Variants in INSC observed in about 807,000 individuals in gnomAD.
INSC encodes INSC spindle orientation adaptor protein.
Under a neutral mutation model 58.6 loss-of-function variants are expected in INSC, and 67 were observed. That is an observed-to-expected ratio of 1.14 (90% CI 0.94 to 1.40). INSC has a LOEUF of 1.40. Among genes scored for constraint, INSC ranks in the 40% most tolerant of loss-of-function variants. The pLI is 0.00. For synonymous variants in INSC, 262 were observed against 276.1 expected, an observed-to-expected ratio of 0.95 and a Z score of 0.51; for missense variants, 714 against 692.0, an observed-to-expected ratio of 1.03 and a Z score of -0.36.
chr11:15,151,471 G>T (rs1291663919), intron 2 of INSC, among the ~76,000 whole-genome samples: 1 of 152,154 alleles, frequency 6.6e-6, no homozygotes, highest in Non-Finnish European at 1.5e-5. Flanking sequence ...ACCTCCCTGG[G>T]GGGTGGTCAA....
chr11:15,219,662 G>A lies in INSC; in HGVS notation c.820-1815G>A, dbSNP rs541369194. Among the ~76,000 whole-genome samples the A allele has an allele frequency of 7.9e-5, 12 of 152,274 alleles. No individual in the cohort carries two copies. The East Asian group carries it at 2.3e-3, about 29-fold the overall frequency. On this transcript the variant is annotated intron_variant, in intron 7 of 12. Transcript: ENST00000379556. ...CAAGTTACTGGTTTGGGTCCGACTGGTATTCACATCTGAGCTGGGGACCAG... is the reference window on the plus strand; with the variant it reads ...CAAGTTACTGGTTTGGGTCCGACTGATATTCACATCTGAGCTGGGGACCAG...
In INSC at chr11:15,190,338, G is replaced by A. The variant is rs546793030; in HGVS notation, c.580-363G>A. 2.1e-3 allele frequency among the ~76,000 whole-genome samples: 315 copies of A among 152,296 alleles called. 1 individual carries two copies. The highest frequency in any genetic ancestry group is 7.3e-3 in the African/African-American group (304 of 41,554). ...GCCACTCATTCGTTTTCAATTTGAT[G>A]GTTTGCTAATTTAACTGATGGTTTC... On this transcript the variant is annotated intron_variant, in intron 5 of 12. Coordinates refer to ENST00000379556, the MANE Select transcript of INSC (RefSeq NM_001042536.3).
At chr11:15,121,389 G>T (rs967682489) in intron 1 of INSC, among the ~76,000 whole-genome samples, 2 of 152,158 alleles carry the variant, frequency 1.3e-5, no homozygotes, top group African/African-American at 4.8e-5. Flanking sequence ...GGTTATTGTG[G>T]ATGGTTCTAC....
At chr11:15,215,609 A>C (rs1851185709) in intron 7 of INSC, among the ~76,000 whole-genome samples, 1 of 152,158 alleles carries the variant, frequency 6.6e-6, no homozygotes, top group South Asian at 2.1e-4. Flanking sequence ...CCATTTCCTC[A>C]TCATTCAGCC....
intron 2 of INSC, among the ~76,000 whole-genome samples, chr11:15,170,139 T>C (rs1331154008): frequency 6.6e-6 from 1 of 152,234 alleles, no homozygotes; most frequent in Non-Finnish European, 1.5e-5. Flanking sequence ...TACTGTGTTT[T>C]TTGTGTGTGA....
intron 6 of INSC, among the ~76,000 whole-genome samples, chr11:15,200,000 AG>A (rs1221724758): frequency 2.6e-5 from 4 of 152,150 alleles, no homozygotes; most frequent in African/African-American, 9.7e-5. Context: ...ACTAGTTAGC[AG>A]GGCACCTGGA....
intron 1 of INSC, among the ~76,000 whole-genome samples, chr11:15,117,760 T>C (rs1391951173): frequency 6.6e-6 from 1 of 152,184 alleles, no homozygotes; most frequent in African/African-American, 2.4e-5. Context: ...GTCATCTGGT[T>C]TTCAACTCAT....
At chr11:15,166,440 C>A (rs1424607734) in intron 2 of INSC, among the ~76,000 whole-genome samples, 1 of 152,012 alleles carries the variant, frequency 6.6e-6, no homozygotes, top group Non-Finnish European at 1.5e-5. Context: ...AGTTACTTGC[C>A]CAACACTTAA....
At chr11:15,111,562 A>G (rs1025387326), upstream of INSC, among the ~76,000 whole-genome samples, 2 of 152,132 alleles carry the variant, frequency 1.3e-5, no homozygotes, top group African/African-American at 4.8e-5. Flanking sequence ...GTTTAGGTGA[A>G]ATAAGCTATT....
chr11:15,122,051 A>T (rs1010540571), intron 1 of INSC, among the ~76,000 whole-genome samples: 1 of 152,210 alleles, frequency 6.6e-6, no homozygotes, highest in Non-Finnish European at 1.5e-5. Context: ...AGAAACCAAG[A>T]TTTAAAGGCT....
intron 1 of INSC, among the ~76,000 whole-genome samples, chr11:15,133,354 T>C (rs775907714): frequency 3.3e-5 from 5 of 152,212 alleles, no homozygotes; most frequent in African/African-American, 4.8e-5. Flanking sequence ...CTTTCTCAAA[T>C]TTTCTTGGCC....
chr11:15,192,479 T>G (rs561735542), intron 6 of INSC, among the ~76,000 whole-genome samples: 1 of 152,330 alleles, frequency 6.6e-6, no homozygotes, highest in African/African-American at 2.4e-5. Flanking sequence ...CATATTCTAT[T>G]TTGTTATGTG....
intron 1 of INSC, among the ~76,000 whole-genome samples, chr11:15,127,994 CA>C (rs563594829): frequency 7.0e-4 from 96 of 137,092 alleles, no homozygotes; most frequent in Middle Eastern, 3.6e-3. Flanking sequence ...GACTCCATCT[CA>C]AAAAAAAAAA....
intron 2 of INSC, among the ~76,000 whole-genome samples, chr11:15,169,851 C>A (rs140333486): frequency 6.6e-6 from 1 of 152,130 alleles, no homozygotes; most frequent in East Asian, 1.9e-4. Context: ...TGATTGCTGA[C>A]GTCTTATATT....
At chr11:15,193,357 C>T (rs1253772714) in intron 6 of INSC, among the ~76,000 whole-genome samples, 3 of 152,110 alleles carry the variant, frequency 2.0e-5, no homozygotes, top group Non-Finnish European at 4.4e-5. Context: ...GGTTTGTTAC[C>T]TATGTATACA....
the INSC span, among the ~76,000 whole-genome samples, chr11:15,267,132 A>G: frequency 1.3e-5 from 2 of 151,878 alleles, no homozygotes; most frequent in Admixed American, 6.6e-5. Flanking sequence ...CTTGGTTAAC[A>G]GTTTTTTTGT....
intron 2 of INSC, 149 bp downstream of exon 2, chr11:15,149,379 A>C: frequency 4.0e-6 from 3 of 741,666 alleles, no homozygotes; most frequent in Non-Finnish European, 3.9e-6. Flanking sequence ...TGGGGATGTC[A>C]TGTTCACTCA....
intron 6 of INSC, among the ~76,000 whole-genome samples, chr11:15,191,685 T>G (rs751243258): frequency 6.6e-6 from 1 of 152,190 alleles, no homozygotes; most frequent in Non-Finnish European, 1.5e-5. Flanking sequence ...CCCATAATAA[T>G]TAGCAGTAGC....
At chr11:15,123,120 C>T (rs11023444) in intron 1 of INSC, among the ~76,000 whole-genome samples, 74,688 of 151,964 alleles carry the variant, frequency 0.49, 19,321 homozygotes, top group Non-Finnish European at 0.58. Flanking sequence ...TTAGAATGCT[C>T]GTTCTTCCTG....
Sources: gnomAD v4.1 joint callset for allele counts (sites outside exome capture counted in the v4.1 genomes callset) on GRCh38, gnomAD v4.1.1 for gene constraint, MANE v1.5 for transcripts, NCBI Gene and HGNC (gene_info 2026-07-23, HGNC 2026-07-21) for gene names.